ADAM20: variants seen among roughly 807,000 people sequenced by gnomAD.
ADAM20 encodes the protein disintegrin and metalloproteinase domain-containing protein 20.
For missense variants in ADAM20, 871 were observed against 883.2 expected, an observed-to-expected ratio of 0.99 and a Z score of 0.18; for synonymous variants, 305 against 310.2, an observed-to-expected ratio of 0.98 and a Z score of 0.18.
At position 70,523,463 on chromosome 14, in the gene ADAM20, TC is replaced by T; in HGVS notation, c.1294del (p.Asp432IlefsTer6). On this transcript the variant is annotated frameshift_variant, in exon 2 of 2. Transcript: ENST00000256389. LOFTEE classifies it low-confidence loss of function (END_TRUNC). The part of the protein sequence containing the change: ...DCGTIRQCAK[D>X]PCCLLNCTLH... ...AGTACAGTTTAACAGACAACAGGGA[TC>T]TTTTGCACACTGCCGTATGGTTCCA... 1 of 1,614,042 alleles carries T rather than the reference TC, an allele frequency of 6.2e-7. No homozygotes were observed. The highest frequency in any genetic ancestry group is 8.5e-7 in the Non-Finnish European group (1 of 1,179,964).
intron 1 of ADAM20, among the ~76,000 whole-genome samples, chr14:70,525,606 G>A (rs1008443183): frequency 9.2e-5 from 14 of 152,028 alleles, no homozygotes; most frequent in African/African-American, 3.1e-4. Context: ...CATTCAATAA[G>A]TATATGGACA....
At chr14:70,547,385 T>C in the ADAM20 span, 1 of 149,934 alleles carries the variant, frequency 6.7e-6, no homozygotes, top group African/African-American at 2.5e-5. Context: ...CATTTCCATC[T>C]GAGGTACCGG....
chr14:70,566,699 G>T, the ADAM20 span, among the ~76,000 whole-genome samples: 3 of 152,148 alleles, frequency 2.0e-5, no homozygotes, highest in Non-Finnish European at 4.4e-5. Context: ...TAGGCGGGAG[G>T]CCGGGCGCGG....
At chr14:70,571,036 C>T in the ADAM20 span, among the ~76,000 whole-genome samples, 1 of 152,100 alleles carries the variant, frequency 6.6e-6, no homozygotes, top group South Asian at 2.1e-4. Context: ...ACAGAAAAAG[C>T]ATTCAATAGC....
At chr14:70,543,255 T>C in the ADAM20 span, among the ~76,000 whole-genome samples, 1 of 152,330 alleles carries the variant, frequency 6.6e-6, no homozygotes, top group African/African-American at 2.4e-5. Context: ...ATGGAAATTA[T>C]TTACTATGCT....
chr14:70,524,641 A>C lies in ADAM20; in HGVS notation c.117T>G (p.Ser39=), dbSNP rs1251135557. 6.2e-7 allele frequency: 1 copy of C among 1,613,904 alleles called. No homozygotes were observed. Among genetic ancestry groups the C allele is most frequent in the Non-Finnish European group, 8.5e-7 (1 of 1,179,944 alleles). ...SQARPSQYFT[S]PEVVIPLKVI... ...CCTTCAAAGGGATCACCACTTCTGGAGAAGTGAAATACTGGGAGGGCCTGG... is the reference window on the plus strand; with the variant it reads ...CCTTCAAAGGGATCACCACTTCTGGCGAAGTGAAATACTGGGAGGGCCTGG... The change falls in exon 2 of 2, where the codon TCT becomes TCG. Residue 39 remains serine (S), a synonymous_variant. Transcript: ENST00000256389.
chr14:70,523,422 C>G lies in ADAM20; in HGVS notation c.1336G>C (p.Ala446Pro). Residue 446 changes from alanine (A) to proline (P), a missense_variant, in exon 2 of 2, where the codon GCT (alanine) becomes CCT (proline). Coordinates refer to ENST00000256389, the MANE Select transcript of ADAM20 (RefSeq NM_003814.5). ...TTGCAACATATTCCAAAAGCACAAG[C>G]AGCCCCAGGATGTAGAGTACAGTTT... Reference protein sequence around the residue: ...LLNCTLHPGAACAFGICCKDC... With the variant: ...LLNCTLHPGAPCAFGICCKDC... The G allele has an allele frequency of 6.2e-7, 1 of 1,614,056 alleles. No individual in the cohort carries two copies.
At chr14:70,547,272 G>A in the ADAM20 span, 1 of 152,660 alleles carries the variant, frequency 6.6e-6, no homozygotes, top group Non-Finnish European at 1.5e-5. Context: ...AAGCTTTAAA[G>A]AGCTAATACC....
At chr14:70,576,439 A>T in the ADAM20 span, among the ~76,000 whole-genome samples, 42 of 152,256 alleles carry the variant, frequency 2.8e-4, no homozygotes, top group Admixed American at 9.2e-4. Flanking sequence ...AATTTTTTTT[A>T]AAAAATCTGA....
the ADAM20 span, among the ~76,000 whole-genome samples, chr14:70,553,525 T>TAAAAAAAAAAAAAAAAAAAAAAAC: frequency 1.8e-5 from 1 of 57,010 alleles, no homozygotes; most frequent in African/African-American, 7.2e-5. Flanking sequence ...GCAAAAATCC[T>TAAAAAAAAAAAAAAAAAAAAAAAC]AAAAAAAAAA....
upstream of ADAM20, among the ~76,000 whole-genome samples, chr14:70,536,550 A>G (rs1186934586): frequency 6.6e-6 from 1 of 151,564 alleles, no homozygotes; most frequent in Non-Finnish European, 1.5e-5. Context: ...AGAAAATTAT[A>G]TAACTACAAA....
chr14:70,555,531 T>G, the ADAM20 span, among the ~76,000 whole-genome samples: 1 of 152,220 alleles, frequency 6.6e-6, no homozygotes, highest in Non-Finnish European at 1.5e-5. Context: ...CTTGGGAAAC[T>G]CTTGCATTAA....
Position 70,522,616 on chromosome 14 carries a change from A to G in ADAM20, c.2142T>C (p.Phe714=). 1 of 1,612,372 alleles carries G rather than the reference A, an allele frequency of 6.2e-7. No individual in the cohort carries two copies. The highest frequency in any genetic ancestry group is 1.1e-5 in the South Asian group (1 of 90,672). ...CTTCTTTACTTTTTGTGCGTTTCTT[A>G]AAAAGCACATGTAAGCAAAATAATA... The part of the protein sequence containing the change: ...AFLLFCLHVL[F]KKRTKSKEDE... Residue 714 remains phenylalanine (F), a synonymous_variant, in exon 2 of 2, where the codon TTT becomes TTC. Coordinates refer to ENST00000256389, the MANE Select transcript of ADAM20 (RefSeq NM_003814.5).
At chr14:70,528,792 C>G (rs992546470) in intron 1 of ADAM20, among the ~76,000 whole-genome samples, 1 of 152,132 alleles carries the variant, frequency 6.6e-6, no homozygotes, top group African/African-American at 2.4e-5. Context: ...AGAGAACCTC[C>G]TTGAGTCTGA....
chr14:70,575,039 G>A, the ADAM20 span, among the ~76,000 whole-genome samples: 1 of 151,846 alleles, frequency 6.6e-6, no homozygotes, highest in Non-Finnish European at 1.5e-5. Context: ...GAGGATAGAG[G>A]GGGAAGAAAC....
chr14:70,523,497 A>G lies in ADAM20; in HGVS notation c.1261T>C (p.Cys421Arg), dbSNP rs185813974. 6.8e-5 allele frequency: 110 copies of G among 1,614,050 alleles called. No individual in the cohort carries two copies. In the African/African-American group the frequency reaches 1.1e-3, roughly 16 times the overall value. ...CACTGCCGTATGGTTCCACAGTCAC[A>G]TTCCTCCCCTTCTTCAACCACTAGA... ...GNLVVEEGEE[C>R]DCGTIRQCAK... The change falls in exon 2 of 2, where the codon TGT (cysteine) becomes CGT (arginine). Residue 421 changes from cysteine (C) to arginine (R), a missense_variant. By Grantham distance (180) the Cys-to-Arg change is radical. Transcript: ENST00000256389.
At chr14:70,563,502 C>T in the ADAM20 span, among the ~76,000 whole-genome samples, 1 of 152,160 alleles carries the variant, frequency 6.6e-6, no homozygotes, top group Non-Finnish European at 1.5e-5. Context: ...GCTGAGAAAA[C>T]TTGCAACCAA....
chr14:70,544,823 A>C, the ADAM20 span, among the ~76,000 whole-genome samples: 4 of 152,160 alleles, frequency 2.6e-5, no homozygotes, highest in Non-Finnish European at 5.9e-5. Flanking sequence ...TAGTCATTAC[A>C]TGTCAATTAA....
Position 70,523,726 on chromosome 14 carries a change from A to T in ADAM20, c.1032T>A (p.Leu344=). 1 of 1,614,074 alleles carries T rather than the reference A, an allele frequency of 6.2e-7. No homozygotes were observed. The change falls in exon 2 of 2, where the codon CTT becomes CTA. Residue 344 remains leucine (L), a synonymous_variant. Coordinates refer to ENST00000256389, the MANE Select transcript of ADAM20 (RefSeq NM_003814.5). ...VVFAITLGHE[L]GHNLGMQHDT... is the part of the protein sequence containing the mutation. ...CATGTTGCATACCCAAATTATGACC[A>T]AGCTCGTGGCCCAAAGTAATTGCAA... is the stretch of plus-strand genomic sequence containing the variant.
Sources: allele counts gnomAD v4.1 joint callset (sites outside exome capture counted in the v4.1 genomes callset), GRCh38; gene constraint gnomAD v4.1.1; transcripts MANE v1.5; gene names NCBI Gene and HGNC (gene_info 2026-07-23, HGNC 2026-07-21).